The following RIDA variants were observed in gnomAD, a reference collection of about 807,000 sequenced individuals.
RIDA encodes the protein 2-iminobutanoate/2-iminopropanoate deaminase.
Under a neutral mutation model 17.8 loss-of-function variants are expected in RIDA, and 17 were observed. That is an observed-to-expected ratio of 0.96 (90% CI 0.65 to 1.43). The LOEUF (loss-of-function observed/expected upper bound fraction) is 1.43, where lower values mean the gene tolerates loss of function less well. Ranked by LOEUF, RIDA falls within the 40% of genes most tolerant of loss-of-function variation. The pLI, the probability that RIDA is intolerant of heterozygous loss-of-function variation, is 0.00. For synonymous variants in RIDA, 48 were observed against 55.7 expected, an observed-to-expected ratio of 0.86 and a Z score of 0.62; for missense variants, 158 against 161.7, an observed-to-expected ratio of 0.98 and a Z score of 0.12.
At chr8:98,110,690 G>A (rs967825057) in intron 1 of RIDA, among the ~76,000 whole-genome samples, 1 of 152,162 alleles carries the variant, frequency 6.6e-6, no homozygotes, top group African/African-American at 2.4e-5. Context: ...GCTTATTGGA[G>A]GATCAATTAA....
rs1815668770 is a variant in RIDA, at chr8:98,108,681, G to C, written c.136C>G (p.Leu46Val). 1 of 1,613,558 alleles carries C rather than the reference G, an allele frequency of 6.2e-7. No individual in the cohort carries two copies. Among genetic ancestry groups the C allele is most frequent in the Non-Finnish European group, 8.5e-7 (1 of 1,179,522 alleles). ...TCTTCTGCTACCCCTCCTGACACAA[G>C]CTGTCCACTTGAAGGGTCCATGCCT... Reference protein sequence around the residue: ...QIGMDPSSGQLVSGGVAEEAK... With the variant: ...QIGMDPSSGQVVSGGVAEEAK... The change falls in exon 2 of 6, where the codon CTT becomes GTT. Residue 46 changes from leucine (L) to valine (V), a missense_variant. Coordinates refer to ENST00000254878, the MANE Select transcript of RIDA (RefSeq NM_005836.3).
chr8:98,103,755 G>T (rs1253691840), intron 5 of RIDA, among the ~76,000 whole-genome samples: 3 of 151,820 alleles, frequency 2.0e-5, no homozygotes, highest in African/African-American at 7.3e-5. Flanking sequence ...TCCTGCCTCA[G>T]CCTCCCGAGT....
rs776620971 is a variant in RIDA at position 98,102,919 on chromosome 8, A to G, written c.352-15T>C. On this transcript the variant is annotated splice_polypyrimidine_tract_variant and intron_variant, in intron 5 of 5. Coordinates refer to ENST00000254878, the MANE Select transcript of RIDA (RefSeq NM_005836.3). ...ATTCGGCTGCCCTGTGAGGAAAATG[A>G]AAGAATTTGTTGTAATCATTTTGTA... is the stretch of plus-strand genomic sequence containing the variant. The G allele has an allele frequency of 3.1e-6, 5 of 1,604,964 alleles. No individual in the cohort carries two copies. In the African/African-American group the frequency reaches 5.4e-5, roughly 17 times the overall value.
Position 98,106,111 on chromosome 8 carries a change from A to G in RIDA, c.227-105T>C, listed in dbSNP as rs1011677523. 22 of 1,102,534 alleles carry G rather than the reference A, an allele frequency of 2.0e-5. 1 individual carries two copies. The South Asian group carries it at 2.8e-4, about 14-fold the overall frequency. 68.3% of individuals were successfully genotyped at this position (1,102,534 alleles called of 1,614,324 possible). The stretch of plus-strand genomic sequence containing the variant: ...CTGAGACTGTCTTGATTAAAATGGG[A>G]CTGAAATGGGACCAAAGAAGTGAAG... On this transcript the variant is annotated intron_variant, in intron 3 of 5. Coordinates refer to ENST00000254878, the MANE Select transcript of RIDA (RefSeq NM_005836.3).
At chr8:98,115,025 C>T (rs1815783664) in intron 1 of RIDA, among the ~76,000 whole-genome samples, 1 of 151,966 alleles carries the variant, frequency 6.6e-6, no homozygotes, top group Non-Finnish European at 1.5e-5. Context: ...TTTAATTTTG[C>T]ACACATCAGT....
chr8:98,113,531 C>A (rs1815758790), intron 1 of RIDA: 1 of 148,218 alleles, frequency 6.7e-6, no homozygotes, highest in Non-Finnish European at 1.5e-5. Flanking sequence ...AGTCTCCACA[C>A]CATGAAGCTG....
intron 2 of RIDA, among the ~76,000 whole-genome samples, chr8:98,107,342 G>A (rs1168816920): frequency 6.6e-6 from 1 of 152,098 alleles, no homozygotes; most frequent in Non-Finnish European, 1.5e-5. Flanking sequence ...GGCTAGCACG[G>A]TAAAACCCCG....
In RIDA at chr8:98,108,859, A is replaced by C. The variant is rs535822518; in HGVS notation, c.66-108T>G. 238 of 614,780 alleles carry C rather than the reference A, an allele frequency of 3.9e-4. No homozygotes were observed. In the African/African-American group the frequency reaches 4.2e-3, roughly 11 times the overall value. 38.1% of individuals were successfully genotyped at this position (614,780 alleles called of 1,614,324 possible). A position where few individuals can be genotyped will look rare whatever the true frequency, so the allele number is the denominator to read the frequency against. ...GAAGTATAAATTGTAAAAAAAAAAA[A>C]ACAGATACATTGGACTTCATGAAAA... On this transcript the variant is annotated intron_variant, in intron 1 of 5. Coordinates refer to ENST00000254878, the MANE Select transcript of RIDA (RefSeq NM_005836.3).
At chr8:98,112,729 T>C (rs1815745597) in intron 1 of RIDA, among the ~76,000 whole-genome samples, 1 of 152,222 alleles carries the variant, frequency 6.6e-6, no homozygotes, top group South Asian at 2.1e-4. Context: ...TGTTTTTTAT[T>C]AACTGTCCTG....
Position 98,102,832 on chromosome 8 carries a change from C to G in RIDA, c.*10G>C. The G allele has an allele frequency of 1.9e-6, 3 of 1,599,218 alleles. No individual in the cohort carries two copies. Among genetic ancestry groups the G allele is most frequent in the Non-Finnish European group, 2.6e-6 (3 of 1,168,312 alleles). ...GTTAACAATTCCAGACTACACAGCACTGGGCCCACTTATAGTGATGCCGTT... is the reference window on the plus strand; with the variant it reads ...GTTAACAATTCCAGACTACACAGCAGTGGGCCCACTTATAGTGATGCCGTT... On this transcript the variant is annotated 3_prime_UTR_variant, in exon 6 of 6. Coordinates refer to ENST00000254878, the MANE Select transcript of RIDA (RefSeq NM_005836.3).
chr8:98,113,567 C>A (rs1352964359), intron 1 of RIDA: 1 of 151,836 alleles, frequency 6.6e-6, no homozygotes, highest in African/African-American at 2.4e-5. Context: ...TCTTGTCATA[C>A]TGGCACATTC....
At chr8:98,103,148 C>T (rs1343840748) in intron 5 of RIDA, among the ~76,000 whole-genome samples, 2 of 152,022 alleles carry the variant, frequency 1.3e-5, no homozygotes, top group Non-Finnish European at 2.9e-5. Flanking sequence ...ACGTATTTTC[C>T]CCTCAATTCA....
Position 98,102,737 on chromosome 8 carries a change from C to T in RIDA, c.*105G>A, listed in dbSNP as rs904787261. 1.3e-6 allele frequency: 1 copy of T among 752,734 alleles called. No individual in the cohort carries two copies. The highest frequency in any genetic ancestry group is 1.7e-5 in the African/African-American group (1 of 57,536). The allele number at this position is 752,734 out of a possible 1,614,324, so 46.6% of individuals were successfully genotyped here. Reference sequence around the variant, plus strand: ...AATAGCTTCAGATATTTTCATCAAACTCACACTGTCATCAATTGTGAAAAT... The same window carrying T: ...AATAGCTTCAGATATTTTCATCAAATTCACACTGTCATCAATTGTGAAAAT... On this transcript the variant is annotated 3_prime_UTR_variant, in exon 6 of 6. Transcript: ENST00000254878.
rs949899579 is a variant in RIDA at position 98,106,391 on chromosome 8, A to G, written c.172-65T>C. The stretch of plus-strand genomic sequence containing the variant: ...AGATTTAAAGCTTTAATTAAATTCA[A>G]TTAATCATCTTTTACTAATACCTCC... On this transcript the variant is annotated intron_variant, in intron 2 of 5. Coordinates refer to ENST00000254878, the MANE Select transcript of RIDA (RefSeq NM_005836.3). The G allele has an allele frequency of 3.6e-6, 5 of 1,386,172 alleles. No individual in the cohort carries two copies. In the African/African-American group the frequency reaches 4.3e-5, roughly 12 times the overall value. 85.9% of individuals were successfully genotyped at this position (1,386,172 alleles called of 1,614,324 possible).
At chr8:98,115,675 A>C (rs997463756) in intron 1 of RIDA, among the ~76,000 whole-genome samples, 9 of 152,042 alleles carry the variant, frequency 5.9e-5, no homozygotes, top group Non-Finnish European at 1.0e-4. Flanking sequence ...ACAGGCGTGA[A>C]CCACAGTACC....
chr8:98,115,763 T>C (rs1815807003), intron 1 of RIDA, among the ~76,000 whole-genome samples: 1 of 152,184 alleles, frequency 6.6e-6, no homozygotes, highest in East Asian at 1.9e-4. Context: ...TAGCTAAAAT[T>C]TAATAATACC....
chr8:98,113,452 T>A lies in RIDA; in HGVS notation c.65+3580A>T, dbSNP rs73701255. ...GTTAGTTGCAGTCTGTTTTTTTTCT[T>A]AAACATTAACTATTGAAAATAAGCA... On this transcript the variant is annotated intron_variant, in intron 1 of 5. Coordinates refer to ENST00000254878, the MANE Select transcript of RIDA (RefSeq NM_005836.3). Among the ~76,000 whole-genome samples the A allele has an allele frequency of 1.7e-3, 265 of 152,328 alleles. 5 individuals are homozygous for A. Among genetic ancestry groups the A allele is most frequent in the African/African-American group, 5.9e-3 (246 of 41,570 alleles).
chr8:98,106,035 T>C lies in RIDA; in HGVS notation c.227-29A>G, dbSNP rs200661286. On this transcript the variant is annotated intron_variant, in intron 3 of 5. Transcript: ENST00000254878. Reference sequence around the variant, plus strand: ...GAAGATATAAACATTGTCATTAGGTTTAGTTATTTGGTCTGACCCAAAACA... The same window carrying C: ...GAAGATATAAACATTGTCATTAGGTCTAGTTATTTGGTCTGACCCAAAACA... The C allele has an allele frequency of 2.0e-5, 31 of 1,521,792 alleles. No individual in the cohort carries two copies. In the East Asian group the frequency reaches 7.0e-4, roughly 34 times the overall value. The allele number at this position is 1,521,792 out of a possible 1,614,324, so 94.3% of individuals were successfully genotyped here.
intron 1 of RIDA, among the ~76,000 whole-genome samples, chr8:98,115,443 G>C (rs914350941): frequency 5.6e-5 from 8 of 143,798 alleles, no homozygotes; most frequent in African/African-American, 2.1e-4. Flanking sequence ...TGCTGAGTAA[G>C]CATCAGTAAA....
Sources: allele counts gnomAD v4.1 joint callset (sites outside exome capture counted in the v4.1 genomes callset), GRCh38; gene constraint gnomAD v4.1.1; transcripts MANE v1.5; gene names NCBI Gene and HGNC (gene_info 2026-07-23, HGNC 2026-07-21).